The following FBN3 variants were observed in gnomAD, a reference collection of about 807,000 sequenced individuals.
FBN3 encodes the protein fibrillin-3.
A neutral mutation model predicts 330.1 loss-of-function variants in FBN3; 234 were observed. The observed-to-expected ratio is 0.71, with a 90% confidence interval of 0.64 to 0.79. The LOEUF is 0.79. FBN3 is among the 30% of genes least tolerant of loss of function. The pLI is 0.00. For synonymous variants in FBN3, 1,458 were observed against 1,517.3 expected, an observed-to-expected ratio of 0.96 and a Z score of 0.91; for missense variants, 3,606 against 3,886.9, an observed-to-expected ratio of 0.93 and a Z score of 1.92.
rs972594450 is a variant in FBN3, at chr19:8,142,079, C to T, written c.600G>A (p.Leu200=). The T allele has an allele frequency of 5.6e-6, 9 of 1,613,878 alleles. No homozygotes were observed. Among genetic ancestry groups the T allele is most frequent in the Non-Finnish European group, 7.6e-6 (9 of 1,179,882 alleles). The change falls in exon 7 of 64, where the codon CTG becomes CTA. Residue 200 remains leucine (L), a synonymous_variant. Coordinates refer to ENST00000600128, the MANE Select transcript of FBN3 (RefSeq NM_032447.5). ...GTGCCTTGGTGCACACGAGGCCCGT[C>T]AGCTGATGCTGGCACCCCTCGGGGC... is the stretch of plus-strand genomic sequence containing the variant. ...QVGPEGCQHQ[L]TGLVCTKALC... is the part of the protein sequence containing the mutation.
Position 8,103,553 on chromosome 19 carries a change from G to A in FBN3, c.4939+9C>T, listed in dbSNP as rs754836320. On this transcript the variant is annotated intron_variant, in intron 39 of 63. Transcript: ENST00000600128. ...GACTGCCAGTTCCCTAGGTCATCAC[G>A]CTTCTTACCCATGCAGTTGTTGCCA... The A allele has an allele frequency of 1.2e-5, 19 of 1,611,188 alleles. No homozygotes were observed. Among genetic ancestry groups the A allele is most frequent in the African/African-American group, 9.4e-5 (7 of 74,834 alleles).
chr19:8,135,936 G>GGGGGGCCCCCCCCCCCCC, intron 13 of FBN3, 25 bp downstream of exon 13: 1 of 668,768 alleles, frequency 1.5e-6, no homozygotes, highest in Non-Finnish European at 2.4e-6. Context: ...GGAAGCCCCT[G>GGGGGGCCCCCCCCCCCCC]CCCACCCGCC....
At chr19:8,108,820 T>G (rs1031363162) in intron 36 of FBN3, among the ~76,000 whole-genome samples, 1 of 152,142 alleles carries the variant, frequency 6.6e-6, no homozygotes, top group Non-Finnish European at 1.5e-5. Context: ...TCCTGAGCTA[T>G]GGGTATGCCT....
chr19:8,125,832 C>A (rs574594301), intron 22 of FBN3, 60 bp downstream of exon 22: 2 of 1,514,088 alleles, frequency 1.3e-6, no homozygotes, highest in South Asian at 1.3e-5. Flanking sequence ...CAAGTCACTG[C>A]GGGTGGAGGG....
Position 8,089,700 on chromosome 19 carries a change from T to C in FBN3, c.6251-30A>G, listed in dbSNP as rs186510257. The C allele has an allele frequency of 7.6e-5, 122 of 1,612,372 alleles. No homozygotes were observed. The Admixed American group carries it at 8.3e-4, about 11-fold the overall frequency. On this transcript the variant is annotated intron_variant, in intron 50 of 63. Coordinates refer to ENST00000600128, the MANE Select transcript of FBN3 (RefSeq NM_032447.5). ...GGATGGCAGGCGTTGCAGACATGGC[T>C]TCTGTCACCACACAATCGCCAGAGC...
Position 8,096,920 on chromosome 19 carries a change from T to G in FBN3, c.5374A>C (p.Thr1792Pro), listed in dbSNP as rs146932818. Residue 1792 changes from threonine (T) to proline (P), a missense_variant, in exon 43 of 64, where the codon ACC (threonine) becomes CCC (proline). Physicochemically the swap from Thr to Pro is conservative, Grantham distance 38. Coordinates refer to ENST00000600128, the MANE Select transcript of FBN3 (RefSeq NM_032447.5). The surrounding 1 kb of genome is among the most constrained non-coding windows in gnomAD (Gnocchi z 4.6). ...NIPGSYRCKC[T>P]RGYKLSPGGA... ...CCTGGCGACAGTTTGTACCCTCGGG[T>G]GCACTTGCAGCGGTAGCTACCGGGG... The G allele has an allele frequency of 8.7e-6, 14 of 1,613,680 alleles. No homozygotes were observed. The African/African-American group carries it at 1.9e-4, about 22-fold the overall frequency.
intron 39 of FBN3, among the ~76,000 whole-genome samples, chr19:8,103,125 G>T (rs1193711075): frequency 6.6e-6 from 1 of 151,532 alleles, no homozygotes; most frequent in Non-Finnish European, 1.5e-5. Context: ...AAATTAGCTA[G>T]GTGTGGTGGC....
In FBN3 at chr19:8,141,981, C is replaced by G; in HGVS notation, c.698G>C (p.Arg233Pro). The part of the protein sequence containing the change: ...ELCPAQPHPC[R>P]RGFIPNIHTG... ...GTGGATATTGGGGATGAAGCCGCGG[C>G]GGCAGGGGTGTGGCTGTGCAGGGCA... The change falls in exon 7 of 64, where the codon CGC becomes CCC. Residue 233 changes from arginine (R) to proline (P), a missense_variant. Arg to Pro is a moderately radical substitution (Grantham distance 103). Coordinates refer to ENST00000600128, the MANE Select transcript of FBN3 (RefSeq NM_032447.5). 6.2e-7 allele frequency: 1 copy of G among 1,614,134 alleles called. No homozygotes were observed. Among genetic ancestry groups the G allele is most frequent in the Admixed American group, 1.7e-5 (1 of 60,012 alleles).
chr19:8,135,938 C>CA, intron 13 of FBN3, 23 bp downstream of exon 13: 2 of 233,824 alleles, frequency 8.6e-6, no homozygotes, highest in Admixed American at 7.8e-5. Context: ...AAGCCCCTGC[C>CA]CACCCGCCCA....
chr19:8,087,503 T>G (rs948076275), intron 53 of FBN3, among the ~76,000 whole-genome samples: 2 of 151,938 alleles, frequency 1.3e-5, no homozygotes, highest in African/African-American at 2.4e-5. Context: ...CCAGAGACAC[T>G]GAGTCCCAGA....
At chr19:8,132,841 C>T in intron 14 of FBN3, 143 bp downstream of exon 14, 1 of 969,210 alleles carries the variant, frequency 1.0e-6, no homozygotes, top group East Asian at 2.8e-5. Flanking sequence ...TTCCCTCCTC[C>T]TCCTCTTTTT....
chr19:8,098,195 G>A (rs2082250681), intron 41 of FBN3, among the ~76,000 whole-genome samples: 1 of 152,106 alleles, frequency 6.6e-6, no homozygotes, highest in South Asian at 2.1e-4. Flanking sequence ...CATCAGTAGG[G>A]GACTGGAAAC....
In FBN3 at chr19:8,121,813, A is replaced by G. The variant is rs1195875288; in HGVS notation, c.3083-427T>C. The stretch of plus-strand genomic sequence containing the variant: ...CACCCAGGATGGAGTGCAGTGATGC[A>G]ATCTCGGCTCACTGCAACTTCTGCC... On this transcript the variant is annotated intron_variant, in intron 24 of 63. Transcript: ENST00000600128. The surrounding 1 kb of genome is among the most constrained non-coding windows in gnomAD (Gnocchi z 4.5). Among the ~76,000 whole-genome samples, 1 of 152,000 alleles carries G rather than the reference A, an allele frequency of 6.6e-6. No homozygotes were observed. The highest frequency in any genetic ancestry group is 1.5e-5 in the Non-Finnish European group (1 of 67,974).
At chr19:8,139,251 G>A (rs545292667) in intron 8 of FBN3, among the ~76,000 whole-genome samples, 2 of 152,064 alleles carry the variant, frequency 1.3e-5, no homozygotes, top group African/African-American at 4.8e-5. Flanking sequence ...GGAGGCTGAG[G>A]CAGGAGAATC....
rs1224357708 is a variant in FBN3, at chr19:8,081,362, G to T, written c.7332C>A (p.Cys2444Ter). 1 of 1,601,016 alleles carries T rather than the reference G, an allele frequency of 6.2e-7. No individual in the cohort carries two copies. Among genetic ancestry groups the T allele is most frequent in the South Asian group, 1.1e-5 (1 of 88,380 alleles). Residue 2444 changes from cysteine (C) to a stop codon, truncating the protein, a stop_gained, in exon 58 of 64, where the codon TGC (cysteine) becomes TGA (stop). Transcript: ENST00000600128. LOFTEE classifies it high-confidence loss of function. ...GGAGAGTTGAAAGGACATCACCTTT[G>T]CAGGTCCTGCCATCCTCCTCCAGCA... The part of the protein sequence containing the change: ...GYLLEEDGRT[C>*]KDLDECTSRQ...
rs1362529109 is a variant in FBN3 at position 8,081,036 on chromosome 19, G to T, written c.7420C>A (p.Pro2474Thr). ...GCCTGGTGGTGCTGGGTGAAGCCGG[G>T]CGGACAGCGGCAGGTGAAGGCGCCC... ...TVGAFTCRCP[P>T]GFTQHHQACF... Residue 2474 changes from proline (P) to threonine (T), a missense_variant, in exon 59 of 64, where the codon CCC becomes ACC. Pro to Thr is a conservative substitution (Grantham distance 38). Coordinates refer to ENST00000600128, the MANE Select transcript of FBN3 (RefSeq NM_032447.5). 6 of 1,613,276 alleles carry T rather than the reference G, an allele frequency of 3.7e-6. 1 individual carries two copies. The South Asian group carries it at 6.6e-5, about 18-fold the overall frequency.
rs747168724 is a variant in FBN3, at chr19:8,126,575, A to T, written c.2447T>A (p.Ile816Asn). The change falls in exon 20 of 64, where the codon ATC (isoleucine) becomes AAC (asparagine). Residue 816 changes from isoleucine (I) to asparagine (N), a missense_variant. Ile to Asn is a moderately radical substitution (Grantham distance 149). Coordinates refer to ENST00000600128, the MANE Select transcript of FBN3 (RefSeq NM_032447.5). ...DSTKGTCWLK[I>N]QESRCEVNLQ... is the part of the protein sequence containing the mutation. ...GTTCACCTCACAGCGGCTCTCCTGG[A>T]TCTTCAGCCAGCAGGTGCCCTTGGT... 1 of 1,611,078 alleles carries T rather than the reference A, an allele frequency of 6.2e-7. No homozygotes were observed. The highest frequency in any genetic ancestry group is 1.7e-5 in the Admixed American group (1 of 60,020).
chr19:8,142,142 A>C lies in FBN3; in HGVS notation c.542-5T>G. The C allele has an allele frequency of 6.2e-7, 1 of 1,600,286 alleles. No individual in the cohort carries two copies. Among genetic ancestry groups the C allele is most frequent in the South Asian group, 1.1e-5 (1 of 90,392 alleles). On this transcript the variant is annotated splice_polypyrimidine_tract_variant and splice_region_variant and intron_variant, in intron 6 of 63. Coordinates refer to ENST00000600128, the MANE Select transcript of FBN3 (RefSeq NM_032447.5). ...AGCAGGGTCCCGTCCGGTAATCTGC[A>C]GGGCAGACAGATGTGGGTACCTGGC...
rs990576924 is a variant in FBN3 at position 8,066,082 on chromosome 19, C to A, written c.8267G>T (p.Arg2756Leu). Reference protein sequence around the residue: ...EQGFFRMHHLRGVSSLQLGRR... With the variant: ...EQGFFRMHHLLGVSSLQLGRR... ...CCCCAGCTGCAGGGAGCTGACGCCA[C>A]GGAGGTGATGCATGCGAAAGAAACC... is the stretch of plus-strand genomic sequence containing the variant. Residue 2756 changes from arginine to leucine, a missense_variant, in exon 64 of 64, where the codon CGT (arginine) becomes CTT (leucine). Coordinates refer to ENST00000600128, the MANE Select transcript of FBN3 (RefSeq NM_032447.5). 6.2e-7 allele frequency: 1 copy of A among 1,613,322 alleles called. No individual in the cohort carries two copies. The highest frequency in any genetic ancestry group is 8.5e-7 in the Non-Finnish European group (1 of 1,179,990).
Sources: allele counts gnomAD v4.1 joint callset (sites outside exome capture counted in the v4.1 genomes callset), GRCh38; gene constraint gnomAD v4.1.1; non-coding constraint Gnocchi (gnomAD v3.1); transcripts MANE v1.5; gene names NCBI Gene and HGNC (gene_info 2026-07-23, HGNC 2026-07-21).